PSD3: variants seen among roughly 807,000 people sequenced by gnomAD.
PSD3 encodes the protein pleckstrin and Sec7 domain containing 3, also known as PH and SEC7 domain-containing protein 3.
PSD3 carries 49 observed loss-of-function variants against 105.5 expected under a neutral mutation model. The observed-to-expected ratio is 0.46, with a 90% CI of 0.37 to 0.59. The LOEUF (loss-of-function observed/expected upper bound fraction) is 0.59, where lower values mean the gene tolerates loss of function less well. Among genes scored for constraint, PSD3 ranks in the 20% least tolerant of loss-of-function variants. PSD3 has a pLI of 0.00. For synonymous variants in PSD3, 557 were observed against 457.8 expected, an observed-to-expected ratio of 1.22 and a Z score of -2.77; for missense variants, 1,561 against 1,263.8, an observed-to-expected ratio of 1.24 and a Z score of -3.57.
intron 1 of PSD3, among the ~76,000 whole-genome samples, chr8:18,936,548 T>C (rs1274325967): frequency 6.6e-6 from 1 of 152,076 alleles, no homozygotes. Flanking sequence ...TGGATCACGA[T>C]GTCAGGAGTT....
chr8:18,817,719 G>A (rs929357305), intron 4 of PSD3, among the ~76,000 whole-genome samples: 3 of 152,150 alleles, frequency 2.0e-5, no homozygotes, highest in African/African-American at 7.2e-5. Context: ...CCTTATTACG[G>A]AATCTAGAGA....
At chr8:18,929,380 G>A (rs1207234750) in intron 2 of PSD3, among the ~76,000 whole-genome samples, 1 of 152,086 alleles carries the variant, frequency 6.6e-6, no homozygotes, top group Non-Finnish European at 1.5e-5. Context: ...AGAGTTGGCA[G>A]GTCTCCAGAT....
chr8:18,868,482 T>G (rs755781872), intron 3 of PSD3, among the ~76,000 whole-genome samples: 4 of 152,110 alleles, frequency 2.6e-5, no homozygotes, highest in Non-Finnish European at 4.4e-5. Context: ...TACACCAAAC[T>G]TTCATCAGTT....
At chr8:19,084,129 A>T (rs1253779733) in intron 1 of PSD3, 2 of 376,386 alleles carry the variant, frequency 5.3e-6, no homozygotes, top group East Asian at 1.5e-4. Context: ...CCAACGCCAG[A>T]AATTGGAGGC....
At chr8:18,950,708 C>T (rs971103758) in intron 1 of PSD3, among the ~76,000 whole-genome samples, 5 of 152,100 alleles carry the variant, frequency 3.3e-5, no homozygotes, top group Non-Finnish European at 7.4e-5. Flanking sequence ...ACAACTATAA[C>T]TTATCAATTT....
At chr8:18,608,297 G>A (rs1345571890) in intron 11 of PSD3, among the ~76,000 whole-genome samples, 1 of 152,200 alleles carries the variant, frequency 6.6e-6, no homozygotes, top group Non-Finnish European at 1.5e-5. Flanking sequence ...TCAGATTGAA[G>A]GGACATCCAC....
intron 11 of PSD3, among the ~76,000 whole-genome samples, chr8:18,632,124 C>T (rs1427793919): frequency 6.6e-6 from 1 of 152,046 alleles, no homozygotes; most frequent in Non-Finnish European, 1.5e-5. Flanking sequence ...TCTCACCTGT[C>T]CACCTTCTCA....
chr8:18,843,559 C>T (rs1814829908), intron 4 of PSD3, among the ~76,000 whole-genome samples: 1 of 152,156 alleles, frequency 6.6e-6, no homozygotes, highest in Non-Finnish European at 1.5e-5. Flanking sequence ...ATGCGTTCTC[C>T]TCTTCTAATA....
chr8:18,945,218 T>A (rs1263474260), intron 1 of PSD3, among the ~76,000 whole-genome samples: 2 of 152,198 alleles, frequency 1.3e-5, no homozygotes, highest in African/African-American at 4.8e-5. Flanking sequence ...TGTGATTAAA[T>A]TAAATTTCTG....
intron 9 of PSD3, among the ~76,000 whole-genome samples, chr8:18,672,764 G>C (rs1344676284): frequency 6.6e-6 from 1 of 152,170 alleles, no homozygotes; most frequent in Admixed American, 6.5e-5. Context: ...ACAGCAACTA[G>C]CAGCAGAACA....
intron 11 of PSD3, among the ~76,000 whole-genome samples, chr8:18,622,266 C>T (rs13263545): frequency 0.36 from 55,061 of 152,070 alleles, 10,341 homozygotes; most frequent in Middle Eastern, 0.49. Flanking sequence ...GATATGTCCA[C>T]ACAATTAGCC....
intron 1 of PSD3, among the ~76,000 whole-genome samples, chr8:18,976,294 ATACATTGTAT>A (rs1188150203): frequency 2.6e-5 from 4 of 152,232 alleles, no homozygotes; most frequent in African/African-American, 9.6e-5. Context: ...CCCAATAAAG[ATACATTGTAT>A]AACCTTATTA....
chr8:18,854,498 TA>T (rs2129453208), intron 4 of PSD3: 1 of 152,290 alleles, frequency 6.6e-6, no homozygotes, highest in East Asian at 1.9e-4. Flanking sequence ...TGTCTAAGCT[TA>T]TTTGGAGTGG....
intron 9 of PSD3, among the ~76,000 whole-genome samples, chr8:18,739,321 GT>G (rs2129433989): frequency 6.6e-6 from 1 of 152,224 alleles, no homozygotes; most frequent in South Asian, 2.1e-4. Context: ...AAAAATAGGT[GT>G]TCCCATACTT....
At chr8:18,821,303 G>A (rs1042873698) in intron 4 of PSD3, among the ~76,000 whole-genome samples, 1 of 151,776 alleles carries the variant, frequency 6.6e-6, no homozygotes, top group Non-Finnish European at 1.5e-5. Context: ...GTAGCTAAAT[G>A]AGAATGATAT....
chr8:19,075,980 T>C (rs1829451758), intron 1 of PSD3, among the ~76,000 whole-genome samples: 4 of 152,164 alleles, frequency 2.6e-5, no homozygotes, highest in Non-Finnish European at 5.9e-5. Context: ...TAATACTTTT[T>C]CTCCAAAGAG....
chr8:18,752,545 ATT>A (rs1491482671), intron 9 of PSD3, among the ~76,000 whole-genome samples: 574 of 14,754 alleles, frequency 0.039, 17 homozygotes, highest in African/African-American at 0.093. Context: ...TATTATATAT[ATT>A]ATATATAATT....
At chr8:18,813,586 A>G (rs1160505927) in intron 4 of PSD3, among the ~76,000 whole-genome samples, 3 of 152,208 alleles carry the variant, frequency 2.0e-5, no homozygotes, top group African/African-American at 2.4e-5. Context: ...TCATTTGTTC[A>G]GGAAATTCTA....
chr8:18,741,240 T>C (rs999989217), intron 9 of PSD3, among the ~76,000 whole-genome samples: 1 of 152,166 alleles, frequency 6.6e-6, no homozygotes, highest in Non-Finnish European at 1.5e-5. Context: ...CATTTCCTCC[T>C]GTAACAACTG....
Sources: allele counts gnomAD v4.1 joint callset (sites outside exome capture counted in the v4.1 genomes callset), GRCh38; gene constraint gnomAD v4.1.1; transcripts MANE v1.5; gene names NCBI Gene and HGNC (gene_info 2026-07-23, HGNC 2026-07-21).